The following DIAPH2 variants were observed in gnomAD, a reference collection of about 807,000 sequenced individuals.
DIAPH2 encodes protein diaphanous homolog 2.
In DIAPH2, 35 loss-of-function variants were observed where a neutral mutation model predicts 92.7. The observed-to-expected ratio is 0.38, with a 90% confidence interval of 0.29 to 0.50. DIAPH2 has a LOEUF of 0.50. Ranked by LOEUF, DIAPH2 falls within the 20% of genes least tolerant of loss-of-function variation. The pLI is 0.94. For synonymous variants in DIAPH2, 301 were observed against 280.4 expected, an observed-to-expected ratio of 1.07 and a Z score of -0.73; for missense variants, 701 against 819.5, an observed-to-expected ratio of 0.86 and a Z score of 1.77.
chrX:97,274,185 C>T (rs935926925), intron 23 of DIAPH2, among the ~76,000 whole-genome samples: 1 of 110,618 alleles, frequency 9.0e-6, no homozygotes, highest in Non-Finnish European at 1.9e-5. Context: ...ACCAGAAGGA[C>T]TCTGGATAAG....
intron 4 of DIAPH2, among the ~76,000 whole-genome samples, chrX:96,876,875 G>A (rs775789923): frequency 6.3e-5 from 7 of 110,523 alleles, no homozygotes; most frequent in Non-Finnish European, 1.1e-4. Context: ...AAACCTGCAC[G>A]TTATGTACAT....
intron 1 of DIAPH2, among the ~76,000 whole-genome samples, chrX:96,719,699 A>C (rs2063977596): frequency 9.0e-6 from 1 of 111,435 alleles, no homozygotes. Context: ...TCTATAGTAT[A>C]ATTCGAAGTC....
chrX:97,251,546 C>G (rs1377460931), intron 23 of DIAPH2, among the ~76,000 whole-genome samples: 1 of 109,960 alleles, frequency 9.1e-6, no homozygotes, highest in African/African-American at 3.3e-5. Flanking sequence ...GCCTCCGCCT[C>G]CCGAGTAGCT....
chrX:97,436,979 GAA>G (rs1218347741), intron 26 of DIAPH2, among the ~76,000 whole-genome samples: 2 of 111,674 alleles, frequency 1.8e-5, no homozygotes, highest in Non-Finnish European at 3.8e-5. Context: ...TAATTTTAGA[GAA>G]AGAGCTTTCA....
rs1304630387 is a variant in DIAPH2 at position 97,602,145 on chromosome X, A to ATGTC, written c.*2830_*2833dup. 1 of 112,142 alleles carries ATGTC rather than the reference A, an allele frequency of 8.9e-6. No individual in the cohort carries two copies. The highest frequency in any genetic ancestry group is 1.9e-5 in the Non-Finnish European group (1 of 53,196). 9.2% of individuals were successfully genotyped at this position (112,142 alleles called of 1,213,427 possible). A position where few individuals can be genotyped will look rare whatever the true frequency, so the allele number is the denominator to read the frequency against. ...TGGTTTTGGGGATTAGGATGTGGCT[A>ATGTC]TGTCTTTTAGGAAGCCACTCTTAGC... is the stretch of plus-strand genomic sequence containing the variant. On this transcript the variant is annotated 3_prime_UTR_variant, in exon 27 of 27. Transcript: ENST00000324765.
intron 23 of DIAPH2, among the ~76,000 whole-genome samples, chrX:97,335,777 GGTT>G (rs1034477298): frequency 3.6e-5 from 4 of 111,747 alleles, no homozygotes; most frequent in East Asian, 2.8e-4. Flanking sequence ...GAGAGTTTTT[GGTT>G]GTTGTTAGTG....
chrX:96,805,276 C>A (rs1250985159), intron 4 of DIAPH2, among the ~76,000 whole-genome samples: 11 of 110,319 alleles, frequency 1.0e-4, no homozygotes, highest in African/African-American at 3.6e-4. Context: ...AGTGCTATCC[C>A]GAAAAGAAAT....
chrX:97,577,414 A>G (rs761080490), intron 26 of DIAPH2, among the ~76,000 whole-genome samples: 1 of 112,392 alleles, frequency 8.9e-6, no homozygotes, highest in African/African-American at 3.2e-5. Context: ...CTCTCCTCTT[A>G]GAAAGGCAAT....
intron 23 of DIAPH2, among the ~76,000 whole-genome samples, chrX:97,280,184 T>C (rs2068484933): frequency 9.0e-6 from 1 of 111,160 alleles, no homozygotes. Context: ...TTTTTAATAA[T>C]AGACTTGCAG....
chrX:97,234,092 G>A (rs1471536923), intron 22 of DIAPH2, among the ~76,000 whole-genome samples: 1 of 109,309 alleles, frequency 9.1e-6, no homozygotes, highest in Non-Finnish European at 1.9e-5. Context: ...GGGAGGCTGA[G>A]GCCGGTAGAT....
At chrX:97,141,563 TAA>T in intron 21 of DIAPH2, 100 bp from the exon 22 acceptor site, 1 of 930,662 alleles carries the variant, frequency 1.1e-6, no homozygotes, top group Non-Finnish European at 1.4e-6. Context: ...CCCAAAGTTT[TAA>T]AAACATTTTA....
At chrX:97,298,371 A>C (rs1452985398) in intron 23 of DIAPH2, among the ~76,000 whole-genome samples, 1 of 107,628 alleles carries the variant, frequency 9.3e-6, no homozygotes, top group Non-Finnish European at 1.9e-5. Flanking sequence ...TCAATATGGA[A>C]GTGAATCTAC....
At chrX:97,583,015 T>C (rs775831297) in intron 26 of DIAPH2, among the ~76,000 whole-genome samples, 2 of 112,249 alleles carry the variant, frequency 1.8e-5, no homozygotes, top group African/African-American at 6.5e-5. Context: ...GCTTTGGTCT[T>C]CAGCTCCATC....
intron 19 of DIAPH2, among the ~76,000 whole-genome samples, chrX:97,082,383 G>A (rs760544463): frequency 9.2e-6 from 1 of 108,293 alleles, no homozygotes; most frequent in South Asian, 4.1e-4. Flanking sequence ...ACGTTGGGAG[G>A]CCGAGGAGGG....
chrX:97,184,533 T>A (rs2067565065), intron 22 of DIAPH2, among the ~76,000 whole-genome samples: 1 of 111,567 alleles, frequency 9.0e-6, no homozygotes, highest in East Asian at 2.8e-4. Context: ...TTAGCTCAGA[T>A]GAGAAAATCC....
intron 24 of DIAPH2, among the ~76,000 whole-genome samples, chrX:97,363,431 C>T (rs190806605): frequency 1.6e-3 from 173 of 108,220 alleles, no homozygotes; most frequent in Middle Eastern, 4.7e-3. Context: ...CTGAGGTGGG[C>T]GGGTCACTTT....
chrX:97,011,205 A>G (rs1180292119), intron 17 of DIAPH2, among the ~76,000 whole-genome samples: 1 of 112,537 alleles, frequency 8.9e-6, no homozygotes, highest in Non-Finnish European at 1.9e-5. Context: ...TAAAAATTAC[A>G]GTAGTCATAA....
At chrX:97,292,964 A>G (rs1386373831) in intron 23 of DIAPH2, among the ~76,000 whole-genome samples, 1 of 111,383 alleles carries the variant, frequency 9.0e-6, no homozygotes, top group East Asian at 2.8e-4. Context: ...ATAGTATAAC[A>G]GACTTACCCA....
intron 26 of DIAPH2, among the ~76,000 whole-genome samples, chrX:97,545,128 C>A (rs1320383775): frequency 1.8e-5 from 2 of 111,200 alleles, no homozygotes; most frequent in East Asian, 5.6e-4. Context: ...CTATATCTTA[C>A]CTTTCCTACC....
Sources: gnomAD v4.1 joint callset for allele counts (sites outside exome capture counted in the v4.1 genomes callset) on GRCh38, gnomAD v4.1.1 for gene constraint, MANE v1.5 for transcripts, NCBI Gene and HGNC (gene_info 2026-07-23, HGNC 2026-07-21) for gene names.